Variants in SERAC1 observed in about 807,000 individuals in gnomAD.
SERAC1 encodes the protein protein SERAC1.
A neutral mutation model predicts 85.7 loss-of-function variants in SERAC1; 36 were observed. That is an observed-to-expected ratio of 0.42 (90% CI 0.32 to 0.55). The LOEUF (loss-of-function observed/expected upper bound fraction) is 0.55, where lower values mean the gene tolerates loss of function less well. SERAC1 is among the 20% of genes least tolerant of loss of function. The pLI is 0.11. For missense variants in SERAC1, 629 were observed against 796.2 expected (o/e 0.79, Z 2.53); for synonymous variants, 242 against 265.3 (o/e 0.91, Z 0.85).
chr6:158,114,073 A>AAAAC (rs1158351909), intron 15 of SERAC1, among the ~76,000 whole-genome samples: 2 of 152,074 alleles, frequency 1.3e-5, no homozygotes, highest in Non-Finnish European at 2.9e-5. Context: ...CACAGAAAAA[A>AAAAC]AACAGCTAGA....
intron 3 of SERAC1, among the ~76,000 whole-genome samples, chr6:158,152,348 T>C (rs904840811): frequency 6.6e-6 from 1 of 151,954 alleles, no homozygotes; most frequent in African/African-American, 2.4e-5. Flanking sequence ...AAACCAAGGC[T>C]CTACTAAAAA....
chr6:158,125,307 A>C (rs1784513914), intron 10 of SERAC1, among the ~76,000 whole-genome samples: 1 of 152,244 alleles, frequency 6.6e-6, no homozygotes, highest in African/African-American at 2.4e-5. Flanking sequence ...TCATGTACAT[A>C]AAATTTTAAA....
intron 10 of SERAC1, among the ~76,000 whole-genome samples, chr6:158,125,789 G>A (rs1299477549): frequency 1.3e-5 from 2 of 152,178 alleles, no homozygotes; most frequent in Non-Finnish European, 2.9e-5. Flanking sequence ...GGCAGGGGAT[G>A]TGAACTGAAT....
chr6:158,142,031 T>C (rs1222932060), intron 8 of SERAC1, among the ~76,000 whole-genome samples: 2 of 152,338 alleles, frequency 1.3e-5, no homozygotes, highest in South Asian at 2.1e-4. Flanking sequence ...TACATAGTTA[T>C]TGCAGTTAAT....
chr6:158,167,929 AGCGACAGGGAAAGACGAGTCAGGCTC>A (rs907087098), intron 1 of SERAC1, among the ~76,000 whole-genome samples, 185 bp downstream of exon 1: 4 of 152,064 alleles, frequency 2.6e-5, no homozygotes, highest in Admixed American at 2.6e-4. Flanking sequence ...AGAGAAAGGC[AGCGACAGGGAAAGACGAGTCAGGCTC>A]GCGACCACCA....
rs1332716349 is a variant in SERAC1, at chr6:158,117,291, G to A, written c.1403+436C>T. On this transcript the variant is annotated intron_variant, in intron 13 of 16. Transcript: ENST00000647468. This position sits in a 1 kb window ranked among gnomAD's most constrained non-coding sequence, Gnocchi z 4.3. ...CGGCTACTCTCAGTCCAGTAACTCT[G>A]AAATCCAGCACTCCTTCCCATGTAT... 1 of 552,562 alleles carries A rather than the reference G, an allele frequency of 1.8e-6. No homozygotes were observed. Among genetic ancestry groups the A allele is most frequent in the Non-Finnish European group, 3.2e-6 (1 of 314,072 alleles). 34.2% of individuals were successfully genotyped at this position (552,562 alleles called of 1,614,324 possible).
intron 10 of SERAC1, among the ~76,000 whole-genome samples, chr6:158,124,748 AACACACAC>A (rs201023302): frequency 2.4e-3 from 310 of 131,274 alleles, no homozygotes; most frequent in Middle Eastern, 7.4e-3. Context: ...AATGCTGGAA[AACACACAC>A]ACACACACAC....
At chr6:158,158,239 A>C in intron 2 of SERAC1, 34 bp downstream of exon 2, 1 of 1,480,912 alleles carries the variant, frequency 6.8e-7, no homozygotes, top group Non-Finnish European at 9.4e-7. Flanking sequence ...CACTGTTCCT[A>C]TAAGAAAATA....
intron 8 of SERAC1, among the ~76,000 whole-genome samples, chr6:158,142,191 C>A (rs1784933593): frequency 6.6e-6 from 1 of 151,828 alleles, no homozygotes; most frequent in Admixed American, 6.6e-5. Flanking sequence ...GACAGGGTCT[C>A]ATGCTGTTGC....
At chr6:158,156,919 A>T (rs10946110) in intron 2 of SERAC1, among the ~76,000 whole-genome samples, 2 of 60,908 alleles carry the variant, frequency 3.3e-5, no homozygotes, top group African/African-American at 1.1e-4. Context: ...TATTTATATA[A>T]ATATTAATAT....
Position 158,119,207 on chromosome 6 carries a change from AATGCAT to A in SERAC1, c.1167-43_1167-38del. On this transcript the variant is annotated intron_variant, in intron 11 of 16. Transcript: ENST00000647468. This position sits in a 1 kb window ranked among gnomAD's most constrained non-coding sequence, Gnocchi z 4.5. ...GAGAGTTTTAAAAAGAAGCAGAATA[AATGCAT>A]TACTGCTTTGGTAAGAATCTACACA... 1.3e-6 allele frequency: 2 copies of A among 1,571,514 alleles called. No homozygotes were observed. Among genetic ancestry groups the A allele is most frequent in the South Asian group, 1.2e-5 (1 of 85,872 alleles).
intron 10 of SERAC1, among the ~76,000 whole-genome samples, chr6:158,122,649 G>A (rs1293944680): frequency 6.6e-6 from 1 of 151,996 alleles, no homozygotes; most frequent in Non-Finnish European, 1.5e-5. Flanking sequence ...GTGTGGTGGT[G>A]GGCGCCTGTA....
chr6:158,114,643 C>T, intron 15 of SERAC1, 146 bp downstream of exon 15: 1 of 1,104,852 alleles, frequency 9.1e-7, no homozygotes, highest in Non-Finnish European at 1.1e-6. Flanking sequence ...AAATCAAGCC[C>T]AACCCAAAAT....
At chr6:158,158,436 A>C (rs1243141179) in intron 1 of SERAC1, 72 bp from the exon 2 acceptor site, 1 of 1,150,040 alleles carries the variant, frequency 8.7e-7, no homozygotes, top group Non-Finnish European at 1.3e-6. Context: ...AACTACAAGA[A>C]CATGTTACCA....
At position 158,117,539 on chromosome 6, in the gene SERAC1, T is replaced by G; in HGVS notation, c.1403+188A>C. ...CCACCATTGGTGATATACCTAAGCC[T>G]TCTACTATTCCACTGCTTATTGACA... is the stretch of plus-strand genomic sequence containing the variant. On this transcript the variant is annotated intron_variant, in intron 13 of 16. Transcript: ENST00000647468. The surrounding 1 kb of genome is among the most constrained non-coding windows in gnomAD (Gnocchi z 4.3). 6.4e-7 allele frequency: 1 copy of G among 1,550,728 alleles called. No individual in the cohort carries two copies. Among genetic ancestry groups the G allele is most frequent in the Non-Finnish European group, 8.7e-7 (1 of 1,146,960 alleles).
intron 8 of SERAC1, among the ~76,000 whole-genome samples, chr6:158,138,613 T>C (rs1262453086): frequency 6.6e-6 from 1 of 151,982 alleles, no homozygotes; most frequent in Non-Finnish European, 1.5e-5. Flanking sequence ...AATTTAGTGA[T>C]GGGAGTGGGA....
chr6:158,120,355 G>C lies in SERAC1; in HGVS notation c.1166+70C>G. On this transcript the variant is annotated intron_variant, in intron 11 of 16. Transcript: ENST00000647468. The surrounding 1 kb of genome is among the most constrained non-coding windows in gnomAD (Gnocchi z 4.4). ...ACTTATCTGAATTATGCAGAAATAA[G>C]TTAAAAATTTGAGGCCTCTAGGCTT... 1.4e-6 allele frequency: 2 copies of C among 1,441,980 alleles called. No individual in the cohort carries two copies. The highest frequency in any genetic ancestry group is 1.9e-6 in the Non-Finnish European group (2 of 1,076,844). 89.3% of individuals were successfully genotyped at this position (1,441,980 alleles called of 1,614,324 possible).
rs1234266683 is a variant in SERAC1 at position 158,130,345 on chromosome 6, T to A, written c.852+28A>T. The A allele has an allele frequency of 1.3e-5, 17 of 1,280,312 alleles. No individual in the cohort carries two copies. In the East Asian group the frequency reaches 4.4e-4, roughly 33 times the overall value. The allele number at this position is 1,280,312 out of a possible 1,614,324, so 79.3% of individuals were successfully genotyped here. ...ATTATTTCAATAAAATCATAAAAAG[T>A]AAACTACATTTTGAAAATGTAAATT... On this transcript the variant is annotated intron_variant, in intron 9 of 16. Transcript: ENST00000647468.
At chr6:158,155,419 TGTAA>T (rs1157112172) in intron 2 of SERAC1, 68 bp from the exon 3 acceptor site, 15 of 878,122 alleles carry the variant, frequency 1.7e-5, no homozygotes, top group East Asian at 1.3e-4. Flanking sequence ...TAGGCAACAG[TGTAA>T]GTCTCTACCT....
Sources: allele counts gnomAD v4.1 joint callset (sites outside exome capture counted in the v4.1 genomes callset), GRCh38; gene constraint gnomAD v4.1.1; non-coding constraint Gnocchi (gnomAD v3.1); transcripts MANE v1.5; gene names NCBI Gene and HGNC (gene_info 2026-07-23, HGNC 2026-07-21).